Variants in TRPM3 observed in about 807,000 individuals in gnomAD.
The protein encoded by TRPM3 is long transient receptor potential channel 3.
Under a neutral mutation model 181.2 loss-of-function variants are expected in TRPM3, and 77 were observed. The ratio of observed to expected loss-of-function variants is 0.42; its 90% CI spans 0.35 to 0.51. The LOEUF (loss-of-function observed/expected upper bound fraction) is 0.51, where lower values mean the gene tolerates loss of function less well. TRPM3 is among the 20% of genes least tolerant of loss of function. The pLI, the probability that TRPM3 is intolerant of heterozygous loss-of-function variation, is 0.01. For missense variants in TRPM3, 1,759 were observed against 2,196.7 expected, an observed-to-expected ratio of 0.80 and a Z score of 3.98; for synonymous variants, 745 against 796.4, an observed-to-expected ratio of 0.94 and a Z score of 1.09.
intron 1 of TRPM3, among the ~76,000 whole-genome samples, chr9:70,950,566 T>C (rs1473927797): frequency 6.6e-6 from 1 of 152,196 alleles, no homozygotes; most frequent in Non-Finnish European, 1.5e-5. Context: ...TGCAGCCCTA[T>C]TGAGGAACAG....
At chr9:71,416,844 G>T (rs572039632) in intron 1 of TRPM3, among the ~76,000 whole-genome samples, 1 of 152,010 alleles carries the variant, frequency 6.6e-6, no homozygotes, top group Admixed American at 6.6e-5. Flanking sequence ...AATTTAAGGG[G>T]AGCCCTAGGT....
chr9:71,347,776 A>G (rs927780772), intron 1 of TRPM3, among the ~76,000 whole-genome samples: 2 of 152,032 alleles, frequency 1.3e-5, no homozygotes, highest in Non-Finnish European at 2.9e-5. Flanking sequence ...AATAAATTAA[A>G]TGAAAAATAA....
chr9:71,308,893 C>T (rs1247114898), intron 1 of TRPM3, among the ~76,000 whole-genome samples: 1 of 152,086 alleles, frequency 6.6e-6, no homozygotes, highest in Non-Finnish European at 1.5e-5. Flanking sequence ...ACTCTCCAAG[C>T]ACACCAAAGA....
chr9:70,576,310 C>T (rs2053916328), intron 22 of TRPM3, among the ~76,000 whole-genome samples: 2 of 152,166 alleles, frequency 1.3e-5, no homozygotes, highest in South Asian at 4.1e-4. Flanking sequence ...CTCTATCTTC[C>T]TGACCATCAA....
intron 19 of TRPM3, among the ~76,000 whole-genome samples, chr9:70,607,758 T>G (rs2061417127): frequency 6.6e-6 from 1 of 152,210 alleles, no homozygotes; most frequent in African/African-American, 2.4e-5. Flanking sequence ...TTTAGAGATA[T>G]TGATACTATT....
intron 8 of TRPM3, among the ~76,000 whole-genome samples, chr9:70,684,354 T>A (rs1338716853): frequency 6.6e-6 from 1 of 152,150 alleles, no homozygotes; most frequent in African/African-American, 2.4e-5. Flanking sequence ...TCATGCCCCA[T>A]CCTTGTGCTG....
chr9:70,971,840 G>A (rs1193065313), intron 1 of TRPM3, among the ~76,000 whole-genome samples: 1 of 152,096 alleles, frequency 6.6e-6, no homozygotes, highest in African/African-American at 2.4e-5. Context: ...AGGAAACAAT[G>A]CTCAATATCA....
intron 6 of TRPM3, among the ~76,000 whole-genome samples, chr9:70,813,741 T>A (rs2092393246): frequency 6.6e-6 from 1 of 152,216 alleles, no homozygotes; most frequent in African/African-American, 2.4e-5. Context: ...GGTTGAGGCA[T>A]GGGCTAAGAG....
intron 9 of TRPM3, among the ~76,000 whole-genome samples, chr9:70,667,512 T>G (rs1283876517): frequency 1.3e-5 from 2 of 152,176 alleles, no homozygotes; most frequent in African/African-American, 4.8e-5. Context: ...GGTCTCACTT[T>G]GTACCTGGTT....
At chr9:71,253,993 C>G (rs573814195) in intron 1 of TRPM3, among the ~76,000 whole-genome samples, 12 of 152,180 alleles carry the variant, frequency 7.9e-5, no homozygotes, top group African/African-American at 2.2e-4. Context: ...GATCTTGGCT[C>G]ACTGCAACCT....
chr9:70,585,020 T>C (rs140446697), intron 22 of TRPM3, among the ~76,000 whole-genome samples: 178 of 152,342 alleles, frequency 1.2e-3, no homozygotes, highest in African/African-American at 4.2e-3. Flanking sequence ...ACTTTCCTAG[T>C]GGTGATTATA....
chr9:70,799,162 C>A (rs529205806), intron 6 of TRPM3, among the ~76,000 whole-genome samples: 1 of 152,152 alleles, frequency 6.6e-6, no homozygotes, highest in African/African-American at 2.4e-5. Context: ...TTTCCTCCAG[C>A]GGAAATGAAC....
intron 1 of TRPM3, among the ~76,000 whole-genome samples, chr9:71,061,140 A>C (rs1591079534): frequency 6.6e-6 from 1 of 152,102 alleles, no homozygotes; most frequent in Non-Finnish European, 1.5e-5. Context: ...ATAGAAAGCC[A>C]CCTGGAGCAC....
intron 1 of TRPM3, among the ~76,000 whole-genome samples, chr9:71,006,403 T>C (rs1489220127): frequency 1.3e-5 from 2 of 151,396 alleles, no homozygotes; most frequent in African/African-American, 4.9e-5. Flanking sequence ...TGTGGCTGAA[T>C]GGATTAAAAA....
At chr9:71,318,064 A>G (rs1345560621) in intron 1 of TRPM3, among the ~76,000 whole-genome samples, 1 of 152,196 alleles carries the variant, frequency 6.6e-6, no homozygotes, top group African/African-American at 2.4e-5. Context: ...AGCCTAGACA[A>G]CACTGGAAGA....
chr9:71,185,449 A>C (rs1016747831), intron 1 of TRPM3, among the ~76,000 whole-genome samples: 2 of 152,040 alleles, frequency 1.3e-5, no homozygotes, highest in Non-Finnish European at 2.9e-5. Context: ...AAAACCAAAG[A>C]AGCTTACTTT....
chr9:70,572,948 A>C (rs947809405), intron 22 of TRPM3, among the ~76,000 whole-genome samples: 9 of 152,184 alleles, frequency 5.9e-5, no homozygotes, highest in African/African-American at 1.9e-4. Flanking sequence ...TCTTTTTAAT[A>C]ATAACTATTT....
At chr9:71,401,061 G>A (rs1254921919) in intron 1 of TRPM3, among the ~76,000 whole-genome samples, 1 of 151,994 alleles carries the variant, frequency 6.6e-6, no homozygotes, top group East Asian at 1.9e-4. Flanking sequence ...GGCCAGGTGT[G>A]ATGGCATATG....
At chr9:71,434,683 C>T (rs898380354) in intron 1 of TRPM3, among the ~76,000 whole-genome samples, 5 of 152,190 alleles carry the variant, frequency 3.3e-5, no homozygotes, top group African/African-American at 9.6e-5. Flanking sequence ...GACTTCTTCA[C>T]AAAGCCATAC....
Sources: gnomAD v4.1 joint callset for allele counts (sites outside exome capture counted in the v4.1 genomes callset) on GRCh38, gnomAD v4.1.1 for gene constraint, MANE v1.5 for transcripts, NCBI Gene and HGNC (gene_info 2026-07-23, HGNC 2026-07-21) for gene names.